The following NANP variants were observed in gnomAD, a reference collection of about 807,000 sequenced individuals.
NANP encodes the protein N-acylneuraminate-9-phosphatase.
In NANP, 15 loss-of-function variants were observed where a neutral mutation model predicts 16.9. That is an observed-to-expected ratio of 0.89 (90% CI 0.59 to 1.37). NANP has a LOEUF of 1.37. NANP is among the 40% of genes most tolerant of loss of function. The pLI, the probability that NANP is intolerant of heterozygous loss-of-function variation, is 0.00. For synonymous variants in NANP, 135 were observed against 112.6 expected, an observed-to-expected ratio of 1.20 and a Z score of -1.26; for missense variants, 290 against 303.5, an observed-to-expected ratio of 0.96 and a Z score of 0.33.
intron 1 of NANP, among the ~76,000 whole-genome samples, chr20:25,622,106 A>G (rs766711363): frequency 2.0e-4 from 30 of 152,236 alleles, no homozygotes; most frequent in Admixed American, 7.2e-4. Flanking sequence ...CAGCACTACT[A>G]TAAGTGAGGG....
intron 1 of NANP, 47 bp downstream of exon 1, chr20:25,623,812 G>A (rs1477178514): frequency 6.4e-7 from 1 of 1,555,682 alleles, no homozygotes; most frequent in Non-Finnish European, 8.8e-7. Context: ...GGACGGGGCG[G>A]GGCGCACTGA....
intron 1 of NANP, among the ~76,000 whole-genome samples, chr20:25,618,176 C>G (rs1461240459): frequency 1.5e-5 from 2 of 131,772 alleles, no homozygotes; most frequent in East Asian, 4.2e-4. Flanking sequence ...ATATAATATA[C>G]AACCACTACA....
intron 1 of NANP, among the ~76,000 whole-genome samples, chr20:25,620,724 T>A (rs1000069696): frequency 6.6e-6 from 1 of 151,924 alleles, no homozygotes; most frequent in African/African-American, 2.4e-5. Flanking sequence ...AGTCCAGGAG[T>A]GTCCAATCCA....
chr20:25,620,619 C>T (rs1283553883), intron 1 of NANP, among the ~76,000 whole-genome samples: 1 of 152,146 alleles, frequency 6.6e-6, no homozygotes, highest in Non-Finnish European at 1.5e-5. Flanking sequence ...GGATATGAAG[C>T]GTATAGCAGG....
Position 25,623,950 on chromosome 20 carries a change from G to A in NANP, c.-2C>T, listed in dbSNP as rs142974033. 1.0e-4 allele frequency: 163 copies of A among 1,612,084 alleles called. 1 individual carries two copies. The highest frequency in any genetic ancestry group is 1.2e-4 in the Non-Finnish European group (147 of 1,179,536). ...CGCCCGCACGCGGCTCAGCCCCATA[G>A]CGCCGGCCGCTGGCGCGAACCGTAG... On this transcript the variant is annotated 5_prime_UTR_variant, in exon 1 of 2. Coordinates refer to ENST00000304788, the MANE Select transcript of NANP (RefSeq NM_152667.3).
intron 1 of NANP, among the ~76,000 whole-genome samples, chr20:25,623,507 G>A (rs923452556): frequency 6.6e-6 from 1 of 152,228 alleles, no homozygotes; most frequent in Non-Finnish European, 1.5e-5. Flanking sequence ...CTGACCGGGG[G>A]CGGGACCAGC....
chr20:25,622,373 T>C (rs1475318133), intron 1 of NANP, among the ~76,000 whole-genome samples: 3 of 152,246 alleles, frequency 2.0e-5, no homozygotes, highest in Non-Finnish European at 4.4e-5. Flanking sequence ...TACAGGGTTA[T>C]TGAGGACTAA....
rs535322307 is a variant in NANP, at chr20:25,623,940, C to G, written c.9G>C (p.Leu3=). ...CAAAGAAAACCGCCCGCACGCGGCTCAGCCCCATAGCGCCGGCCGCTGGCG... is the reference window on the plus strand; with the variant it reads ...CAAAGAAAACCGCCCGCACGCGGCTGAGCCCCATAGCGCCGGCCGCTGGCG... The part of the protein sequence containing the change: MG[L]SRVRAVFFDL... The change falls in exon 1 of 2, where the codon CTG becomes CTC. Residue 3 remains leucine (L), a synonymous_variant. Coordinates refer to ENST00000304788, the MANE Select transcript of NANP (RefSeq NM_152667.3). The G allele has an allele frequency of 6.2e-7, 1 of 1,613,042 alleles. No individual in the cohort carries two copies. Among genetic ancestry groups the G allele is most frequent in the South Asian group, 1.1e-5 (1 of 91,056 alleles).
In NANP at chr20:25,613,909, A is replaced by AG. The variant is rs1384426652; in HGVS notation, c.*2015dup. 5.0e-6 allele frequency: 2 copies of AG among 398,450 alleles called. No homozygotes were observed. Among genetic ancestry groups the AG allele is most frequent in the East Asian group, 7.1e-5 (2 of 28,060 alleles). The allele number at this position is 398,450 out of a possible 1,614,324, so 24.7% of individuals were successfully genotyped here. Reference sequence around the variant, plus strand: ...ATCCTGTGGGAGAGTTAAAAGGACAAGCCCCCTGCAGCACACGCCAACCAA... The same window carrying AG: ...ATCCTGTGGGAGAGTTAAAAGGACAAGGCCCCCTGCAGCACACGCCAACCAA... On this transcript the variant is annotated 3_prime_UTR_variant, in exon 2 of 2. Coordinates refer to ENST00000304788, the MANE Select transcript of NANP (RefSeq NM_152667.3).
At chr20:25,620,482 T>C (rs2065360358) in intron 1 of NANP, among the ~76,000 whole-genome samples, 2 of 152,368 alleles carry the variant, frequency 1.3e-5, no homozygotes, top group Middle Eastern at 3.4e-3. Context: ...GACCCAGAAC[T>C]AAAGTTAGTA....
chr20:25,616,963 G>C (rs2065346140), intron 1 of NANP, among the ~76,000 whole-genome samples: 2 of 152,192 alleles, frequency 1.3e-5, no homozygotes, highest in Non-Finnish European at 2.9e-5. Flanking sequence ...AAGGTGGCAG[G>C]ATCACTTGAG....
rs1413206096 is a variant in NANP, at chr20:25,623,997, A to G, written c.-49T>C. The G allele has an allele frequency of 6.3e-7, 1 of 1,583,280 alleles. No homozygotes were observed. The highest frequency in any genetic ancestry group is 1.3e-5 in the African/African-American group (1 of 74,092). Reference sequence around the variant, plus strand: ...GTAGCCTTGCCACCGCCGCCTGCGCATGCGCAAGGCGGACTGCCCAGAGAG... The same window carrying G: ...GTAGCCTTGCCACCGCCGCCTGCGCGTGCGCAAGGCGGACTGCCCAGAGAG... On this transcript the variant is annotated 5_prime_UTR_variant, in exon 1 of 2. It removes an upstream start codon present in the reference 5' UTR. Coordinates refer to ENST00000304788, the MANE Select transcript of NANP (RefSeq NM_152667.3).
In NANP at chr20:25,615,837, GATTATC is replaced by G; in HGVS notation, c.*82_*87del. The G allele has an allele frequency of 7.9e-7, 1 of 1,262,626 alleles. No homozygotes were observed. Among genetic ancestry groups the G allele is most frequent in the Non-Finnish European group, 1.1e-6 (1 of 909,326 alleles). 78.2% of individuals were successfully genotyped at this position (1,262,626 alleles called of 1,614,324 possible). Reference sequence around the variant, plus strand: ...ATAAGTAAAATTATTCTTAGAGCTGGATTATCATAAGTGGAGTGCCCTAACTTTTCT... The same window carrying G: ...ATAAGTAAAATTATTCTTAGAGCTGGATAAGTGGAGTGCCCTAACTTTTCT... On this transcript the variant is annotated 3_prime_UTR_variant, in exon 2 of 2. Transcript: ENST00000304788.
chr20:25,619,489 G>GA (rs764759110), intron 1 of NANP, among the ~76,000 whole-genome samples: 9 of 147,356 alleles, frequency 6.1e-5, no homozygotes, highest in East Asian at 4.0e-4. Flanking sequence ...GGCCATATGA[G>GA]AAAAAAAAAT....
intron 1 of NANP, among the ~76,000 whole-genome samples, chr20:25,619,717 C>T (rs548944857): frequency 3.3e-5 from 5 of 152,174 alleles, no homozygotes; most frequent in Non-Finnish European, 7.3e-5. Context: ...TTGACAGGAG[C>T]TCCAAAGTTT....
At chr20:25,616,649 G>C (rs990978394) in intron 1 of NANP, 68 bp from the exon 2 acceptor site, 4 of 1,275,032 alleles carry the variant, frequency 3.1e-6, no homozygotes, top group African/African-American at 1.5e-5. Context: ...AGGAAGCTGT[G>C]ATCCTACAAG....
In NANP at chr20:25,623,884, C is replaced by T. The variant is rs1003024769; in HGVS notation, c.65G>A (p.Gly22Glu). 3.7e-6 allele frequency: 6 copies of T among 1,613,530 alleles called. No homozygotes were observed. The highest frequency in any genetic ancestry group is 5.1e-6 in the Non-Finnish European group (6 of 1,179,806). Residue 22 changes from glycine to glutamate, a missense_variant, in exon 1 of 2, where the codon GGG becomes GAG. Coordinates refer to ENST00000304788, the MANE Select transcript of NANP (RefSeq NM_152667.3). The part of the protein sequence containing the change: ...DLDNTLIDTA[G>E]ASRRGMLEVI... The stretch of plus-strand genomic sequence containing the variant: ...CTCCAACATGCCTCTCCTGCTCGCC[C>T]CGGCCGTGTCGATGAGAGTGTTGTC...
In NANP at chr20:25,623,934, G is replaced by T; in HGVS notation, c.15C>A (p.Arg5=). 1 of 1,613,186 alleles carries T rather than the reference G, an allele frequency of 6.2e-7. No homozygotes were observed. Among genetic ancestry groups the T allele is most frequent in the Non-Finnish European group, 8.5e-7 (1 of 1,179,772 alleles). ...CCAAGTCAAAGAAAACCGCCCGCAC[G>T]CGGCTCAGCCCCATAGCGCCGGCCG... MGLS[R]VRAVFFDLDN... is the part of the protein sequence containing the mutation. Residue 5 remains arginine (R), a synonymous_variant, in exon 1 of 2, where the codon CGC becomes CGA. Transcript: ENST00000304788.
rs374869479 is a variant in NANP at position 25,623,754 on chromosome 20, G to A, written c.90+105C>T. ...CCACAGGTTTCAACCAGCAAGAGCG[G>A]CCCGCGGCGCCGGGGTGGAAGTGGG... is the stretch of plus-strand genomic sequence containing the variant. On this transcript the variant is annotated intron_variant, in intron 1 of 1. Transcript: ENST00000304788. 2.5e-4 allele frequency: 282 copies of A among 1,145,268 alleles called. No individual in the cohort carries two copies. The African/African-American group carries it at 3.7e-3, about 15-fold the overall frequency. The allele number at this position is 1,145,268 out of a possible 1,614,324, so 70.9% of individuals were successfully genotyped here.
Sources: allele counts gnomAD v4.1 joint callset (sites outside exome capture counted in the v4.1 genomes callset), GRCh38; gene constraint gnomAD v4.1.1; transcripts MANE v1.5; gene names NCBI Gene and HGNC (gene_info 2026-07-23, HGNC 2026-07-21).